OR11A1: variants seen among roughly 807,000 people sequenced by gnomAD.
The protein encoded by OR11A1 is olfactory receptor 11A1.
For synonymous variants in OR11A1, 158 were observed against 152.2 expected, an observed-to-expected ratio of 1.04 and a Z score of -0.28; for missense variants, 380 against 378.2, an observed-to-expected ratio of 1.00 and a Z score of -0.04.
intron 1 of OR11A1, among the ~76,000 whole-genome samples, chr6:29,447,534 G>T (rs2151392220): frequency 6.6e-6 from 1 of 152,292 alleles, no homozygotes. Flanking sequence ...TCTGGCTGGA[G>T]CACTTTTAAG....
At chr6:29,455,647 G>A (rs1312916115) in intron 1 of OR11A1, among the ~76,000 whole-genome samples, 1 of 151,798 alleles carries the variant, frequency 6.6e-6, no homozygotes, top group African/African-American at 2.4e-5. Flanking sequence ...AGGCCGAGGC[G>A]GGTGGATTGC....
rs1165770876 is a variant in OR11A1, at chr6:29,440,448, G to C, written c.-388-8461C>G. 5 of 1,613,922 alleles carry C rather than the reference G, an allele frequency of 3.1e-6. No homozygotes were observed. The African/African-American group carries it at 5.3e-5, about 17-fold the overall frequency. On this transcript the variant is annotated intron_variant, in intron 1 of 4. Transcript: ENST00000377149. ...CCACCGGGTGTGTCTACAGCTAGCT[G>C]GGTCGGCGTGGGCCTGTGGGGTGCT...
chr6:29,427,393 C>G lies in OR11A1; in HGVS notation c.249G>C (p.Met83Ile). 1 of 1,613,084 alleles carries G rather than the reference C, an allele frequency of 6.2e-7. No individual in the cohort carries two copies. The highest frequency in any genetic ancestry group is 8.5e-7 in the Non-Finnish European group (1 of 1,180,030). Residue 83 changes from methionine to isoleucine, a missense_variant, in exon 5 of 5, where the codon ATG (methionine) becomes ATC (isoleucine). By Grantham distance (10) the Met-to-Ile change is conservative (BLOSUM62 1). Coordinates refer to ENST00000377149, the MANE Select transcript of OR11A1 (RefSeq NM_001394828.1). ...ILYTSAVMPK[M>I]LEGFLQEATI... ...TTGCTTCTTGCAGGAAGCCCTCCAG[C>G]ATTTTTGGCATCACTGCGGAGGTGT...
chr6:29,441,953 A>C (rs543985723), intron 1 of OR11A1, among the ~76,000 whole-genome samples: 1 of 152,204 alleles, frequency 6.6e-6, no homozygotes, highest in African/African-American at 2.4e-5. Flanking sequence ...TTTTTATGTG[A>C]GCCTTAATTT....
In OR11A1 at chr6:29,426,834, G is replaced by A. The variant is rs774221680; in HGVS notation, c.808C>T (p.Leu270Phe). The A allele has an allele frequency of 6.2e-7, 1 of 1,612,842 alleles. No homozygotes were observed. Among genetic ancestry groups the A allele is most frequent in the Admixed American group, 1.7e-5 (1 of 60,000 alleles). ...AGCAGGGAGAAGACCTTGGAGAGGA[G>A]CTGGGAATGGACAGCAGAGGGTGCA... ...YVAPSAVHSQLLSKVFSLLYT... is the reference protein window; with the variant it reads ...YVAPSAVHSQFLSKVFSLLYT... Residue 270 changes from leucine (L) to phenylalanine (F), a missense_variant, in exon 5 of 5, where the codon CTC becomes TTC. By Grantham distance (22) the Leu-to-Phe change is conservative. Transcript: ENST00000377149.
chr6:29,443,971 T>C (rs62408575), intron 1 of OR11A1, among the ~76,000 whole-genome samples: 1 of 137,942 alleles, frequency 7.2e-6, no homozygotes, highest in Non-Finnish European at 1.5e-5. Flanking sequence ...CAATCAGTAA[T>C]TAAAAAAAAA....
rs1007612264 is a variant in OR11A1 at position 29,453,598 on chromosome 6, G to A, written c.-389+3389C>T. Among the ~76,000 whole-genome samples, 2 of 152,128 alleles carry A rather than the reference G, an allele frequency of 1.3e-5. No homozygotes were observed. The highest frequency in any genetic ancestry group is 4.8e-5 in the African/African-American group (2 of 41,418). ...GTCAGTAAAAGTAACAAACTCAATC[G>A]TGTTTAAGGCTCAGGTATCCAGAGG... On this transcript the variant is annotated intron_variant, in intron 1 of 4. Coordinates refer to ENST00000377149, the MANE Select transcript of OR11A1 (RefSeq NM_001394828.1). The surrounding 1 kb of genome is among the most constrained non-coding windows in gnomAD (Gnocchi z 4.5).
chr6:29,447,570 T>C (rs1200609402), intron 1 of OR11A1, among the ~76,000 whole-genome samples: 1 of 152,208 alleles, frequency 6.6e-6, no homozygotes, highest in Non-Finnish European at 1.5e-5. Context: ...GGTCTGGAAA[T>C]GAACTGAAGG....
chr6:29,449,825 T>C (rs1349956601), intron 1 of OR11A1, among the ~76,000 whole-genome samples: 1 of 152,090 alleles, frequency 6.6e-6, no homozygotes, highest in Non-Finnish European at 1.5e-5. Flanking sequence ...TTAGTAGAGA[T>C]GGGGTTTTTC....
intron 1 of OR11A1, among the ~76,000 whole-genome samples, chr6:29,436,118 C>T (rs1345223210): frequency 6.6e-6 from 1 of 152,182 alleles, no homozygotes; most frequent in African/African-American, 2.4e-5. Context: ...AGCACCTTCG[C>T]AGTCGTTCAT....
intron 1 of OR11A1, chr6:29,450,501 T>C (rs751662286): frequency 2.0e-5 from 3 of 152,324 alleles, no homozygotes; most frequent in Non-Finnish European, 4.4e-5. Flanking sequence ...CATATGTTCA[T>C]TACAACATCC....
At chr6:29,445,340 A>G (rs61010313) in intron 1 of OR11A1, among the ~76,000 whole-genome samples, 6,292 of 152,276 alleles carry the variant, frequency 0.041, 236 homozygotes, top group African/African-American at 0.095. Flanking sequence ...GAACTGAAGT[A>G]AGAAGTGACT....
intron 1 of OR11A1, among the ~76,000 whole-genome samples, chr6:29,444,421 C>G (rs1784516201): frequency 6.6e-6 from 1 of 152,178 alleles, no homozygotes; most frequent in Non-Finnish European, 1.5e-5. Flanking sequence ...GTTGTGATCT[C>G]TACTCCGTTA....
chr6:29,443,184 C>G (rs1784377347), intron 1 of OR11A1, among the ~76,000 whole-genome samples: 1 of 152,054 alleles, frequency 6.6e-6, no homozygotes, highest in African/African-American at 2.4e-5. Context: ...TAAGTTTTGA[C>G]CCATGTATGC....
At chr6:29,444,399 T>C (rs1250176876) in intron 1 of OR11A1, among the ~76,000 whole-genome samples, 6 of 152,212 alleles carry the variant, frequency 3.9e-5, no homozygotes, top group African/African-American at 1.4e-4. Flanking sequence ...TTGGTAAAGA[T>C]TGAAGACATG....
Position 29,447,754 on chromosome 6 carries a change from T to G in OR11A1, c.-389+9233A>C, listed in dbSNP as rs115886576. 4.0e-3 allele frequency among the ~76,000 whole-genome samples: 602 copies of G among 152,334 alleles called. 4 individuals are homozygous for G. The highest frequency in any genetic ancestry group is 9.5e-3 in the African/African-American group (393 of 41,582). On this transcript the variant is annotated intron_variant, in intron 1 of 4. Coordinates refer to ENST00000377149, the MANE Select transcript of OR11A1 (RefSeq NM_001394828.1). ...TAAAACAAATTAGTGAAATAAATAC[T>G]GTAGGATTTCTGCTAGATGATGAGG...
At chr6:29,441,292 A>G (rs1442997195) in intron 1 of OR11A1, among the ~76,000 whole-genome samples, 1 of 152,234 alleles carries the variant, frequency 6.6e-6, no homozygotes, top group Non-Finnish European at 1.5e-5. Context: ...AATGATCCTT[A>G]AAGTCATTTG....
intron 1 of OR11A1, among the ~76,000 whole-genome samples, chr6:29,452,345 A>C (rs1445689826): frequency 6.6e-6 from 1 of 152,194 alleles, no homozygotes; most frequent in Non-Finnish European, 1.5e-5. Flanking sequence ...ATTAGGGGAA[A>C]AAAAGGAGAA....
At chr6:29,446,721 C>T (rs1028773025) in intron 1 of OR11A1, among the ~76,000 whole-genome samples, 60 of 152,174 alleles carry the variant, frequency 3.9e-4, no homozygotes, top group African/African-American at 1.3e-3. Context: ...TTTGCTTCAA[C>T]CTCAGCATGC....
Sources: allele counts gnomAD v4.1 joint callset (sites outside exome capture counted in the v4.1 genomes callset), GRCh38; gene constraint gnomAD v4.1.1; non-coding constraint Gnocchi (gnomAD v3.1); transcripts MANE v1.5; gene names NCBI Gene and HGNC (gene_info 2026-07-23, HGNC 2026-07-21).